The following KLHL22 variants were observed in gnomAD, a reference collection of about 807,000 sequenced individuals.
The protein encoded by KLHL22 is kelch-like protein 22.
Under a neutral mutation model 60.7 loss-of-function variants are expected in KLHL22, and 18 were observed. The ratio of observed to expected loss-of-function variants is 0.30; its 90% CI spans 0.20 to 0.44. The LOEUF is 0.44. KLHL22 is among the 20% of genes least tolerant of loss of function. The pLI is 1.00. For synonymous variants in KLHL22, 355 were observed against 354.5 expected (o/e 1.00, Z -0.01); for missense variants, 596 against 852.3 (o/e 0.70, Z 3.74).
chr22:20,451,010 C>T (rs2052968413), intron 5 of KLHL22: 1 of 1,535,540 alleles, frequency 6.5e-7, no homozygotes, highest in Non-Finnish European at 9.0e-7. Flanking sequence ...CCCATCGATG[C>T]AGTAGAGAAA....
chr22:20,491,379 A>C (rs974210487), intron 1 of KLHL22: 3 of 152,218 alleles, frequency 2.0e-5, no homozygotes, highest in Admixed American at 2.0e-4. Context: ...TGAGGCTGAA[A>C]GTCCCAACCC....
chr22:20,471,585 CAG>C, intron 2 of KLHL22, 70 bp from the exon 3 acceptor site: 5 of 1,539,374 alleles, frequency 3.2e-6, no homozygotes, highest in Non-Finnish European at 4.4e-6. Context: ...CCAAGAGTGA[CAG>C]CATTCAGAGA....
chr22:20,446,953 A>G (rs926498463), intron 5 of KLHL22, among the ~76,000 whole-genome samples: 3 of 152,212 alleles, frequency 2.0e-5, no homozygotes, highest in Admixed American at 6.5e-5. Context: ...TAACATCTGC[A>G]TGGGGGAACT....
At chr22:20,487,207 A>G (rs532098079) in intron 2 of KLHL22, among the ~76,000 whole-genome samples, 86 of 152,020 alleles carry the variant, frequency 5.7e-4, no homozygotes, top group African/African-American at 2.0e-3. Flanking sequence ...GGCGTGAGCC[A>G]CTACATCCAG....
intron 3 of KLHL22, among the ~76,000 whole-genome samples, chr22:20,467,203 C>T (rs920837104): frequency 3.9e-5 from 6 of 152,202 alleles, no homozygotes; most frequent in African/African-American, 1.4e-4. Context: ...GGCTTGAACC[C>T]AAACCAGGCC....
chr22:20,476,693 G>GT (rs2053419664), intron 2 of KLHL22, among the ~76,000 whole-genome samples: 1 of 143,368 alleles, frequency 7.0e-6, no homozygotes, highest in Non-Finnish European at 1.5e-5. Flanking sequence ...TATTACAGGC[G>GT]TGAGCCACCA....
intron 1 of KLHL22, among the ~76,000 whole-genome samples, chr22:20,493,504 G>T (rs1387012762): frequency 2.6e-5 from 4 of 152,234 alleles, no homozygotes; most frequent in Non-Finnish European, 4.4e-5. Context: ...CAAAGTGGCC[G>T]GGCGCAGTGG....
chr22:20,488,995 C>T lies in KLHL22; in HGVS notation c.217G>A (p.Asp73Asn), dbSNP rs773708723. Reference sequence around the variant, plus strand: ...CTCTAGTGAACTCACCTGAAGTAATCGCAGGACGCAGCCAGCAGGATGCGA... The same window carrying T: ...CTCTAGTGAACTCACCTGAAGTAATTGCAGGACGCAGCCAGCAGGATGCGA... ...AHRILLAASC[D>N]YFRGMFAGGL... Residue 73 changes from aspartate (D) to asparagine (N), a missense_variant, in exon 2 of 7, where the codon GAT becomes AAT. By Grantham distance (23) the Asp-to-Asn change is conservative. Coordinates refer to ENST00000328879, the MANE Select transcript of KLHL22 (RefSeq NM_032775.4). 1.2e-6 allele frequency: 2 copies of T among 1,613,760 alleles called. No individual in the cohort carries two copies.
intron 2 of KLHL22, among the ~76,000 whole-genome samples, chr22:20,486,166 CAAA>C (rs200248872): frequency 4.8e-5 from 4 of 82,606 alleles, no homozygotes; most frequent in Non-Finnish European, 4.8e-5. Context: ...GATTCCGTCT[CAAA>C]AAAAAAAAAA....
chr22:20,453,288 CA>C (rs1324245005), intron 5 of KLHL22, among the ~76,000 whole-genome samples: 3 of 149,846 alleles, frequency 2.0e-5, no homozygotes, highest in African/African-American at 7.4e-5. Context: ...TATGGTTTTA[CA>C]TTTAACTCCA....
chr22:20,450,828 T>C (rs958833296), intron 5 of KLHL22: 4 of 1,546,176 alleles, frequency 2.6e-6, no homozygotes, highest in Non-Finnish European at 3.6e-6. Context: ...ATGTAATAGA[T>C]GCTGAGCCTT....
intron 2 of KLHL22, among the ~76,000 whole-genome samples, chr22:20,479,931 CAAGAGATGG>C (rs1364931990): frequency 3.9e-5 from 6 of 152,098 alleles, no homozygotes; most frequent in Non-Finnish European, 7.3e-5. Flanking sequence ...ACACAATAGA[CAAGAGATGG>C]AAGCAAACCA....
intron 2 of KLHL22, among the ~76,000 whole-genome samples, chr22:20,478,597 C>T (rs896909389): frequency 1.4e-5 from 2 of 141,448 alleles, no homozygotes; most frequent in African/African-American, 5.3e-5. Flanking sequence ...TCACTGCAAG[C>T]TCCGCCTCCC....
At chr22:20,464,457 CAG>C (rs2053199443) in intron 4 of KLHL22, among the ~76,000 whole-genome samples, 1 of 152,136 alleles carries the variant, frequency 6.6e-6, no homozygotes, top group African/African-American at 2.4e-5. Flanking sequence ...CATCAAAGCT[CAG>C]AGAGAGCATG....
chr22:20,452,444 A>C (rs1271402433), intron 5 of KLHL22, among the ~76,000 whole-genome samples: 1 of 152,182 alleles, frequency 6.6e-6, no homozygotes, highest in Non-Finnish European at 1.5e-5. Flanking sequence ...AGAATCAGTG[A>C]ATTAAACTGA....
chr22:20,471,643 T>TAC, intron 2 of KLHL22, 128 bp from the exon 3 acceptor site: 2 of 915,790 alleles, frequency 2.2e-6, no homozygotes, highest in Non-Finnish European at 3.4e-6. Context: ...GCTGACCCAC[T>TAC]CTGTGCTCTG....
intron 2 of KLHL22, chr22:20,483,316 C>T (rs2053535445): frequency 2.8e-6 from 2 of 719,860 alleles, no homozygotes; most frequent in Non-Finnish European, 2.6e-6. Context: ...CAGCTCCTGT[C>T]GTTTCTTCCG....
In KLHL22 at chr22:20,457,904, A is replaced by G. The variant is rs148297034; in HGVS notation, c.1209T>C (p.Ala403=). ...CATTGTGGTAGTCACGGCCCGCCAC[A>G]GCGTAGATGTACCTGCCTACAACAC... ...SVCVVGRYIY[A]VAGRDYHNDL... The change falls in exon 5 of 7, where the codon GCT becomes GCC. Residue 403 remains alanine (A), a synonymous_variant. Transcript: ENST00000328879. 215 of 1,613,698 alleles carry G rather than the reference A, an allele frequency of 1.3e-4. 1 individual carries two copies. The highest frequency in any genetic ancestry group is 1.7e-4 in the Non-Finnish European group (203 of 1,179,934).
intron 2 of KLHL22, among the ~76,000 whole-genome samples, chr22:20,477,290 T>C (rs1290774839): frequency 1.3e-5 from 2 of 151,806 alleles, no homozygotes; most frequent in Non-Finnish European, 2.9e-5. Context: ...ACTTGGGTGG[T>C]TGAGGCATGA....
Sources: gnomAD v4.1 joint callset for allele counts (sites outside exome capture counted in the v4.1 genomes callset) on GRCh38, gnomAD v4.1.1 for gene constraint, MANE v1.5 for transcripts, NCBI Gene and HGNC (gene_info 2026-07-23, HGNC 2026-07-21) for gene names.